The following SHTN1 variants were observed in gnomAD, a reference collection of about 807,000 sequenced individuals.
The protein encoded by SHTN1 is shootin 1, also known as shootin-1.
SHTN1 carries 42 observed loss-of-function variants against 83.1 expected under a neutral mutation model. The observed-to-expected ratio is 0.51, with a 90% CI of 0.39 to 0.65. The LOEUF (loss-of-function observed/expected upper bound fraction) is 0.65. SHTN1 is among the 30% of genes least tolerant of loss of function. The probability of loss-of-function intolerance (pLI) is 0.00; values close to 1 mark genes in which losing one functional copy is unlikely to be tolerated. For missense variants in SHTN1, 622 were observed against 737.8 expected, an observed-to-expected ratio of 0.84 and a Z score of 1.82; for synonymous variants, 224 against 247.7, an observed-to-expected ratio of 0.90 and a Z score of 0.90.
intron 1 of SHTN1, among the ~76,000 whole-genome samples, chr10:117,101,749 T>G (rs540402357): frequency 3.3e-5 from 5 of 152,228 alleles, no homozygotes; most frequent in African/African-American, 1.2e-4. Flanking sequence ...TCCCGAACGG[T>G]TGATTCAAAT....
chr10:117,064,563 G>A (rs954498526), intron 1 of SHTN1, among the ~76,000 whole-genome samples: 17 of 151,668 alleles, frequency 1.1e-4, no homozygotes, highest in African/African-American at 4.1e-4. Flanking sequence ...GCTGAGGCAG[G>A]AGAATCGCTT....
intron 1 of SHTN1, among the ~76,000 whole-genome samples, chr10:117,111,786 C>A (rs1853771168): frequency 6.6e-6 from 1 of 151,970 alleles, no homozygotes; most frequent in African/African-American, 2.4e-5. Flanking sequence ...TGTCACAATC[C>A]CCTATGACCT....
intron 1 of SHTN1, among the ~76,000 whole-genome samples, chr10:117,065,822 A>G (rs1458577569): frequency 1.1e-3 from 85 of 80,752 alleles, no homozygotes; most frequent in Non-Finnish European, 1.8e-3. Context: ...GGAAGGAAGG[A>G]AGGAAGGAAG....
rs1847115561 is a variant in SHTN1 at position 116,884,823 on chromosome 10, A to G, written c.*1521T>C. 6.4e-6 allele frequency: 1 copy of G among 155,896 alleles called. No homozygotes were observed. The highest frequency in any genetic ancestry group is 1.9e-4 in the South Asian group (1 of 5,166). The allele number at this position is 155,896 out of a possible 1,614,324, so 9.7% of individuals were successfully genotyped here. ...ATGGGAAACTATTGGTGCCTTTTTA[A>G]TAAGTTGTGGTGAGGAGAGTTCAAA... On this transcript the variant is annotated 3_prime_UTR_variant, in exon 17 of 17. Transcript: ENST00000355371.
At chr10:116,954,311 C>T (rs1849896577) in intron 4 of SHTN1, 101 bp from the exon 5 acceptor site, 4 of 684,578 alleles carry the variant, frequency 5.8e-6, no homozygotes, top group Non-Finnish European at 9.6e-6. Flanking sequence ...CTTACATATT[C>T]ATCAACACTC....
chr10:116,951,867 G>A, intron 6 of SHTN1, 42 bp downstream of exon 6: 1 of 1,170,382 alleles, frequency 8.5e-7, no homozygotes, highest in Non-Finnish European at 1.2e-6. Flanking sequence ...CAAACACCTT[G>A]AAAATGCTAA....
chr10:116,969,742 T>C (rs1411581291), intron 2 of SHTN1, among the ~76,000 whole-genome samples: 1 of 152,202 alleles, frequency 6.6e-6, no homozygotes, highest in African/African-American at 2.4e-5. Context: ...CCTGTATTGA[T>C]AGGCCCTGGA....
At chr10:117,006,356 G>A (rs191092894), upstream of SHTN1, among the ~76,000 whole-genome samples, 8 of 151,788 alleles carry the variant, frequency 5.3e-5, no homozygotes, top group East Asian at 1.6e-3. Context: ...CACGAGGTCA[G>A]GAGATCGAGA....
chr10:116,945,175 G>A (rs898209766), intron 7 of SHTN1, among the ~76,000 whole-genome samples, 157 bp from the exon 8 acceptor site: 1 of 152,146 alleles, frequency 6.6e-6, no homozygotes, highest in Non-Finnish European at 1.5e-5. Flanking sequence ...CCTTTTTGGA[G>A]AGCAACTTGG....
At chr10:116,903,372 G>C (rs1041666139) in intron 15 of SHTN1, among the ~76,000 whole-genome samples, 1 of 151,962 alleles carries the variant, frequency 6.6e-6, no homozygotes, top group Non-Finnish European at 1.5e-5. Flanking sequence ...GTCTCTACTA[G>C]AAATCAGCCA....
At chr10:116,985,173 T>C (rs1299763209) in intron 1 of SHTN1, among the ~76,000 whole-genome samples, 1 of 152,244 alleles carries the variant, frequency 6.6e-6, no homozygotes, top group Admixed American at 6.5e-5. Context: ...TCCTACCCGA[T>C]TCACTGCTAT....
chr10:116,962,811 A>G (rs77090388), intron 3 of SHTN1, among the ~76,000 whole-genome samples: 86 of 152,136 alleles, frequency 5.7e-4, no homozygotes, highest in African/African-American at 2.0e-3. Flanking sequence ...ATTTTTTTAA[A>G]TTGCGCATTA....
intron 9 of SHTN1, among the ~76,000 whole-genome samples, chr10:116,932,461 T>G (rs1345008436): frequency 6.6e-6 from 1 of 151,912 alleles, no homozygotes; most frequent in East Asian, 1.9e-4. Context: ...CCCAAAACCA[T>G]CCCCCACCCT....
chr10:116,927,984 G>A, intron 10 of SHTN1, 93 bp from the exon 11 acceptor site: 2 of 1,456,074 alleles, frequency 1.4e-6, no homozygotes, highest in Non-Finnish European at 1.9e-6. Context: ...TTTCTCAAAA[G>A]TAAGTTCTTT....
chr10:116,884,083 A>G lies in SHTN1; in HGVS notation c.*2261T>C, dbSNP rs1847096381. On this transcript the variant is annotated 3_prime_UTR_variant, in exon 17 of 17. Coordinates refer to ENST00000355371, the MANE Select transcript of SHTN1 (RefSeq NM_001127211.3). Reference sequence around the variant, plus strand: ...AATTTATCTTTCCCAAACAGAAGGAAGCATAAATAACCTTTTAGAGAAATC... The same window carrying G: ...AATTTATCTTTCCCAAACAGAAGGAGGCATAAATAACCTTTTAGAGAAATC... The G allele has an allele frequency of 5.4e-6, 2 of 373,234 alleles. No homozygotes were observed. The highest frequency in any genetic ancestry group is 1.1e-5 in the Non-Finnish European group (2 of 182,534). The allele number at this position is 373,234 out of a possible 1,614,324, so 23.1% of individuals were successfully genotyped here. A position where few individuals can be genotyped will look rare whatever the true frequency, so the allele number is the denominator to read the frequency against.
intron 1 of SHTN1, among the ~76,000 whole-genome samples, chr10:117,059,198 T>C (rs1852867118): frequency 6.6e-6 from 1 of 152,102 alleles, no homozygotes; most frequent in African/African-American, 2.4e-5. Context: ...ATAATAATAA[T>C]GACAAAACTA....
intron 1 of SHTN1, among the ~76,000 whole-genome samples, chr10:117,098,338 A>G (rs1348262449): frequency 2.0e-5 from 3 of 146,544 alleles, no homozygotes; most frequent in African/African-American, 2.5e-5. Flanking sequence ...CGGAGCTTGC[A>G]GTGCGCCGAC....
At chr10:117,032,848 C>T (rs1367686194) in intron 2 of SHTN1, among the ~76,000 whole-genome samples, 1 of 151,980 alleles carries the variant, frequency 6.6e-6, no homozygotes, top group African/African-American at 2.4e-5. Flanking sequence ...TCTTCTCTGA[C>T]CACAATGGAA....
At chr10:116,984,392 A>T (rs1295260218) in intron 1 of SHTN1, among the ~76,000 whole-genome samples, 1 of 152,202 alleles carries the variant, frequency 6.6e-6, no homozygotes, top group Non-Finnish European at 1.5e-5. Context: ...AACATTTCCA[A>T]CAGAACAGAC....
Sources: allele counts gnomAD v4.1 joint callset (sites outside exome capture counted in the v4.1 genomes callset), GRCh38; gene constraint gnomAD v4.1.1; transcripts MANE v1.5; gene names NCBI Gene and HGNC (gene_info 2026-07-23, HGNC 2026-07-21).